YIPF1: variants seen among roughly 807,000 people sequenced by gnomAD.
YIPF1 encodes Yip1 domain family member 1.
A neutral mutation model predicts 37.0 loss-of-function variants in YIPF1; 22 were observed. The ratio of observed to expected loss-of-function variants is 0.59; its 90% CI spans 0.42 to 0.85. The LOEUF (loss-of-function observed/expected upper bound fraction) is 0.85, where lower values mean the gene tolerates loss of function less well. Among genes scored for constraint, YIPF1 ranks in the 40% least tolerant of loss-of-function variants. The pLI is 0.00. For synonymous variants in YIPF1, 128 were observed against 131.9 expected, an observed-to-expected ratio of 0.97 and a Z score of 0.21; for missense variants, 355 against 373.1, an observed-to-expected ratio of 0.95 and a Z score of 0.40.
chr1:53,879,364 G>C (rs1650424871), intron 4 of YIPF1, among the ~76,000 whole-genome samples: 1 of 152,076 alleles, frequency 6.6e-6, no homozygotes, highest in African/African-American at 2.4e-5. Flanking sequence ...AAAGCACGGG[G>C]ATTACAAGCG....
At chr1:53,882,663 T>C (rs1337521959) in intron 4 of YIPF1, among the ~76,000 whole-genome samples, 1 of 152,196 alleles carries the variant, frequency 6.6e-6, no homozygotes, top group Non-Finnish European at 1.5e-5. Flanking sequence ...TTCACCATGT[T>C]GCCCAGGCTG....
Position 53,868,302 on chromosome 1 carries a change from AAT to A in YIPF1, c.482-1380_482-1379del, listed in dbSNP as rs1270888320. ...GCTTTATTGAGAGGCAATGTGGAAT[AAT>A]GGTCAAGGGCACAGACTCTGTATAC... On this transcript the variant is annotated intron_variant, in intron 7 of 10. Coordinates refer to ENST00000072644, the MANE Select transcript of YIPF1 (RefSeq NM_018982.5). Among the ~76,000 whole-genome samples the A allele has an allele frequency of 2.6e-5, 4 of 152,184 alleles. No homozygotes were observed. The East Asian group carries it at 7.7e-4, about 29-fold the overall frequency.
At chr1:53,863,543 C>A (rs1470499677) in intron 9 of YIPF1, among the ~76,000 whole-genome samples, 1 of 152,202 alleles carries the variant, frequency 6.6e-6, no homozygotes, top group Non-Finnish European at 1.5e-5. Context: ...TTCTGAGAAG[C>A]AAGTCTCTTG....
intron 6 of YIPF1, among the ~76,000 whole-genome samples, chr1:53,874,643 G>A (rs1338223580): frequency 6.6e-6 from 1 of 152,068 alleles, no homozygotes; most frequent in South Asian, 2.1e-4. Flanking sequence ...GCACATGCCT[G>A]TAGTCCCAGC....
At chr1:53,853,058 A>C (rs1302782666) in intron 10 of YIPF1, among the ~76,000 whole-genome samples, 2 of 152,158 alleles carry the variant, frequency 1.3e-5, no homozygotes, top group African/African-American at 4.8e-5. Flanking sequence ...AGTGGGGGGA[A>C]TCTACAATCT....
intron 4 of YIPF1, among the ~76,000 whole-genome samples, chr1:53,879,363 G>A (rs1650424784): frequency 6.6e-6 from 1 of 151,948 alleles, no homozygotes; most frequent in African/African-American, 2.4e-5. Flanking sequence ...CAAAGCACGG[G>A]GATTACAAGC....
intron 9 of YIPF1, among the ~76,000 whole-genome samples, chr1:53,865,062 C>T (rs1649981128): frequency 6.6e-6 from 1 of 152,192 alleles, no homozygotes; most frequent in African/African-American, 2.4e-5. Flanking sequence ...AAGACACCTA[C>T]ATATGAACTC....
At chr1:53,887,914 G>A (rs1650697374) in intron 3 of YIPF1, among the ~76,000 whole-genome samples, 1 of 152,186 alleles carries the variant, frequency 6.6e-6, no homozygotes, top group South Asian at 2.1e-4. Flanking sequence ...TATAGTAAAT[G>A]TTAGGTAAGG....
At position 53,860,298 on chromosome 1, in the gene YIPF1, C is replaced by T. The variant is rs1461228930; in HGVS notation, c.832-145G>A. The T allele has an allele frequency of 1.5e-5, 11 of 726,924 alleles. No homozygotes were observed. The Admixed American group carries it at 2.0e-4, about 13-fold the overall frequency. The allele number at this position is 726,924 out of a possible 1,614,324, so 45.0% of individuals were successfully genotyped here. A position where few individuals can be genotyped will look rare whatever the true frequency, so the allele number is the denominator to read the frequency against. On this transcript the variant is annotated intron_variant, in intron 9 of 10. Transcript: ENST00000072644. ...TATTTGCCATCACACTAAACTACAACCATCTCTGTTTACGTTTGTCTCACT... is the reference window on the plus strand; with the variant it reads ...TATTTGCCATCACACTAAACTACAATCATCTCTGTTTACGTTTGTCTCACT...
At chr1:53,863,800 C>T (rs1030566789) in intron 9 of YIPF1, among the ~76,000 whole-genome samples, 5 of 152,034 alleles carry the variant, frequency 3.3e-5, no homozygotes, top group East Asian at 1.9e-4. Flanking sequence ...AGTGCAGTGG[C>T]GCAATCTCAG....
At chr1:53,876,158 C>A (rs1177539600) in intron 6 of YIPF1, among the ~76,000 whole-genome samples, 2 of 152,106 alleles carry the variant, frequency 1.3e-5, no homozygotes, top group African/African-American at 2.4e-5. Flanking sequence ...GCAGGTGGGG[C>A]TAAGCATCTT....
chr1:53,876,299 G>A (rs1367439786), intron 6 of YIPF1, among the ~76,000 whole-genome samples: 1 of 152,120 alleles, frequency 6.6e-6, no homozygotes, highest in Admixed American at 6.6e-5. Flanking sequence ...CCCCTGGTCT[G>A]TGGTTTATTT....
At chr1:53,878,457 A>G in intron 5 of YIPF1, 55 bp from the exon 6 acceptor site, 1 of 1,572,014 alleles carries the variant, frequency 6.4e-7, no homozygotes, top group Non-Finnish European at 8.7e-7. Flanking sequence ...TAATAAATTC[A>G]ACTACTACAA....
intron 6 of YIPF1, among the ~76,000 whole-genome samples, chr1:53,875,457 C>T (rs535938197): frequency 8.7e-4 from 133 of 152,256 alleles, no homozygotes; most frequent in African/African-American, 3.2e-3. Flanking sequence ...TTTGAGGCTG[C>T]AGTGAGCCAT....
intron 3 of YIPF1, among the ~76,000 whole-genome samples, chr1:53,887,232 A>T (rs1418507123): frequency 6.6e-6 from 1 of 151,818 alleles, no homozygotes; most frequent in Non-Finnish European, 1.5e-5. Flanking sequence ...GGCGTGCACC[A>T]CCATGCCCAG....
chr1:53,859,718 G>A (rs769826572), intron 10 of YIPF1, among the ~76,000 whole-genome samples: 44 of 152,142 alleles, frequency 2.9e-4, no homozygotes, highest in Non-Finnish European at 5.9e-4. Context: ...CACCAGGATT[G>A]TTATAAAATG....
At chr1:53,873,086 C>T (rs928982580) in intron 6 of YIPF1, among the ~76,000 whole-genome samples, 23 of 152,118 alleles carry the variant, frequency 1.5e-4, no homozygotes, top group African/African-American at 5.6e-4. Flanking sequence ...AACTAGAAAA[C>T]CAAGAATATT....
intron 10 of YIPF1, among the ~76,000 whole-genome samples, chr1:53,854,200 C>T (rs896236709): frequency 1.3e-5 from 2 of 151,948 alleles, no homozygotes; most frequent in African/African-American, 4.8e-5. Flanking sequence ...TGCAATGAGC[C>T]GAGATTGCAC....
chr1:53,871,258 A>G, intron 7 of YIPF1, 114 bp downstream of exon 7: 1 of 845,152 alleles, frequency 1.2e-6, no homozygotes, highest in Non-Finnish European at 1.9e-6. Context: ...TTGAACCCTA[A>G]AACACAAAAG....
Sources: gnomAD v4.1 joint callset for allele counts (sites outside exome capture counted in the v4.1 genomes callset) on GRCh38, gnomAD v4.1.1 for gene constraint, MANE v1.5 for transcripts, NCBI Gene and HGNC (gene_info 2026-07-23, HGNC 2026-07-21) for gene names.